Variants in RBFOX1 observed in about 807,000 individuals in gnomAD.
RBFOX1 encodes RNA binding fox-1 homolog 1, also known as RNA binding protein fox-1 homolog 1.
Under a neutral mutation model 57.7 loss-of-function variants are expected in RBFOX1, and 8 were observed. The observed-to-expected ratio is 0.14, with a 90% CI of 0.08 to 0.25. RBFOX1 has a LOEUF of 0.25. Among genes scored for constraint, RBFOX1 ranks in the 10% least tolerant of loss-of-function variants. The probability of loss-of-function intolerance (pLI) is 1.00; values close to 1 mark genes in which losing one functional copy is unlikely to be tolerated. For missense variants in RBFOX1, 611 were observed against 548.5 expected, an observed-to-expected ratio of 1.11 and a Z score of -1.14; for synonymous variants, 326 against 222.4, an observed-to-expected ratio of 1.47 and a Z score of -4.15.
intron 2 of RBFOX1, among the ~76,000 whole-genome samples, chr16:5,548,168 A>ATATATATATATATAT (rs1256241961): frequency 1.7e-4 from 10 of 57,160 alleles, no homozygotes; most frequent in South Asian, 1.0e-3. Context: ...TAAAAAAAAA[A>ATATATATATATATAT]AAAAAAATAT....
intron 5 of RBFOX1, among the ~76,000 whole-genome samples, chr16:7,575,083 A>T (rs1474323814): frequency 6.6e-6 from 1 of 151,942 alleles, no homozygotes; most frequent in Non-Finnish European, 1.5e-5. Flanking sequence ...GTCTTTGCAG[A>T]TGTAACTAAG....
chr16:6,074,848 T>C lies in RBFOX1; in HGVS notation c.-127+54856T>C, dbSNP rs146474053. Reference sequence around the variant, plus strand: ...GAGTTTGGTGGCTTACGTCTGTAATTTCAGTGACTCAGAAGGCTGAGGTGG... The same window carrying C: ...GAGTTTGGTGGCTTACGTCTGTAATCTCAGTGACTCAGAAGGCTGAGGTGG... On this transcript the variant is annotated intron_variant, in intron 1 of 15. Transcript: ENST00000550418. Among the ~76,000 whole-genome samples the C allele has an allele frequency of 1.9e-4, 29 of 152,194 alleles. No homozygotes were observed. The East Asian group carries it at 3.5e-3, about 18-fold the overall frequency.
intron 1 of RBFOX1, chr16:5,366,519 G>A (rs13331386): frequency 1.4e-4 from 61 of 429,642 alleles, no homozygotes; most frequent in African/African-American, 7.4e-4. Flanking sequence ...CTAAAACACC[G>A]AAAGGACCTA....
intron 3 of RBFOX1, among the ~76,000 whole-genome samples, chr16:5,697,532 A>ATTTTT (rs374138178): frequency 7.5e-6 from 1 of 133,966 alleles, no homozygotes; most frequent in African/African-American, 2.7e-5. Context: ...TTTCTTTTCT[A>ATTTTT]TTCTTTTTTT....
At chr16:7,108,498 T>C (rs900315001) in intron 4 of RBFOX1, among the ~76,000 whole-genome samples, 4 of 152,146 alleles carry the variant, frequency 2.6e-5, no homozygotes, top group Admixed American at 2.0e-4. Context: ...ACATGTACTG[T>C]CTCCAGGATA....
chr16:7,508,438 G>A (rs2074065320), intron 4 of RBFOX1, among the ~76,000 whole-genome samples: 1 of 152,146 alleles, frequency 6.6e-6, no homozygotes, highest in Admixed American at 6.6e-5. Flanking sequence ...TGGTTTGTGC[G>A]AATGGCTGCT....
chr16:6,517,901 G>A (rs1426311816), intron 2 of RBFOX1, among the ~76,000 whole-genome samples: 1 of 152,160 alleles, frequency 6.6e-6, no homozygotes, highest in Non-Finnish European at 1.5e-5. Flanking sequence ...TAATACTTGT[G>A]GTGATGATAA....
At chr16:7,560,812 T>C (rs1011336834) in intron 5 of RBFOX1, among the ~76,000 whole-genome samples, 1 of 152,224 alleles carries the variant, frequency 6.6e-6, no homozygotes, top group Non-Finnish European at 1.5e-5. Context: ...TTTTAAGAGT[T>C]TGGACTTTTT....
chr16:6,494,637 C>T (rs901595197), intron 2 of RBFOX1, among the ~76,000 whole-genome samples: 12 of 152,172 alleles, frequency 7.9e-5, no homozygotes, highest in Admixed American at 2.0e-4. Context: ...CTGTCTTGAA[C>T]ATTTGTGGAC....
At chr16:6,828,037 G>A (rs1467535485) in intron 3 of RBFOX1, among the ~76,000 whole-genome samples, 2 of 152,122 alleles carry the variant, frequency 1.3e-5, no homozygotes, top group African/African-American at 4.8e-5. Flanking sequence ...TACTGGCACT[G>A]GTAAACCCTT....
chr16:6,088,806 C>G (rs1484043146), intron 1 of RBFOX1, among the ~76,000 whole-genome samples: 1 of 152,108 alleles, frequency 6.6e-6, no homozygotes, highest in Non-Finnish European at 1.5e-5. Context: ...TCAAAAAGAT[C>G]TATGATCCGG....
chr16:7,412,579 A>G (rs2098440035), intron 4 of RBFOX1, among the ~76,000 whole-genome samples: 1 of 152,222 alleles, frequency 6.6e-6, no homozygotes, highest in Admixed American at 6.5e-5. Flanking sequence ...GGACTAATCA[A>G]ATACTTTCTA....
chr16:5,904,710 T>G (rs59340517), intron 4 of RBFOX1, among the ~76,000 whole-genome samples: 10,668 of 151,858 alleles, frequency 0.07, 479 homozygotes, highest in African/African-American at 0.12. Flanking sequence ...GGGCACAGTG[T>G]CTCGCGCCTG....
chr16:5,694,818 T>C (rs1472788011), intron 3 of RBFOX1, among the ~76,000 whole-genome samples: 1 of 150,982 alleles, frequency 6.6e-6, no homozygotes, highest in Non-Finnish European at 1.5e-5. Context: ...TGTTTTTGTT[T>C]TGCTTGTGCA....
intron 4 of RBFOX1, among the ~76,000 whole-genome samples, chr16:6,012,829 A>T (rs567947226): frequency 1.1e-4 from 16 of 152,210 alleles, no homozygotes; most frequent in Non-Finnish European, 2.1e-4. Context: ...TCCCATGAGA[A>T]AACATCTGGA....
intron 4 of RBFOX1, among the ~76,000 whole-genome samples, chr16:7,344,747 T>A (rs2096962669): frequency 6.6e-6 from 1 of 152,180 alleles, no homozygotes; most frequent in African/African-American, 2.4e-5. Flanking sequence ...TTCTTAGGAC[T>A]GGGGAAGGGC....
At chr16:7,105,577 C>T (rs1462358457) in intron 4 of RBFOX1, among the ~76,000 whole-genome samples, 3 of 152,036 alleles carry the variant, frequency 2.0e-5, no homozygotes, top group East Asian at 1.9e-4. Flanking sequence ...GAACATACAA[C>T]GTTTGGTTTT....
intron 4 of RBFOX1, among the ~76,000 whole-genome samples, chr16:7,208,223 A>G (rs1385044550): frequency 6.6e-6 from 1 of 152,152 alleles, no homozygotes; most frequent in East Asian, 1.9e-4. Context: ...AATCGGCCAG[A>G]TTGTCCCTCC....
chr16:7,338,447 G>C (rs2096833834), intron 4 of RBFOX1, among the ~76,000 whole-genome samples: 1 of 152,160 alleles, frequency 6.6e-6, no homozygotes, highest in African/African-American at 2.4e-5. Context: ...TCAGACTGGA[G>C]TGCAGTGGTG....
Sources: allele counts gnomAD v4.1 joint callset (sites outside exome capture counted in the v4.1 genomes callset), GRCh38; gene constraint gnomAD v4.1.1; transcripts MANE v1.5; gene names NCBI Gene and HGNC (gene_info 2026-07-23, HGNC 2026-07-21).